UPRT: variants seen among roughly 807,000 people sequenced by gnomAD.
UPRT encodes RP11-311P8.3.
UPRT carries 5 observed loss-of-function variants against 22.6 expected under a neutral mutation model. The ratio of observed to expected loss-of-function variants is 0.22; its 90% CI spans 0.12 to 0.47. The LOEUF is 0.47. Ranked by LOEUF, UPRT falls within the 20% of genes least tolerant of loss-of-function variation. The pLI is 0.99. For missense variants in UPRT, 181 were observed against 239.9 expected (o/e 0.75, Z 1.62); for synonymous variants, 77 against 87.7 (o/e 0.88, Z 0.68).
chrX:75,272,317 TATAC>T (rs1192953698), upstream of UPRT, among the ~76,000 whole-genome samples: 16 of 30,495 alleles, frequency 5.2e-4, no homozygotes, highest in African/African-American at 1.2e-3. Context: ...TATGTGTATA[TATAC>T]ATATATATGT....
At chrX:75,272,321 CATATATAT>C (rs1569279454), upstream of UPRT, among the ~76,000 whole-genome samples, 9 of 19,050 alleles carry the variant, frequency 4.7e-4, no homozygotes, top group East Asian at 2.6e-3. Flanking sequence ...TGTATATATA[CATATATAT>C]GTATATATAT....
rs1404140664 is a variant in UPRT, at chrX:75,288,917, A to G, written c.387-4555A>G. 2.7e-5 allele frequency among the ~76,000 whole-genome samples: 3 copies of G among 112,093 alleles called. No homozygotes were observed. The East Asian group carries it at 8.4e-4, about 32-fold the overall frequency. On this transcript the variant is annotated intron_variant, in intron 1 of 6. Coordinates refer to ENST00000373383, the MANE Select transcript of UPRT (RefSeq NM_145052.4). ...CAAACTATCTCTCTTCATGGAAAATATGATTCTATACATAGAAAACCCTGT... is the reference window on the plus strand; with the variant it reads ...CAAACTATCTCTCTTCATGGAAAATGTGATTCTATACATAGAAAACCCTGT...
chrX:75,221,771 T>C (rs766466278), intron 4 of UPRT, among the ~76,000 whole-genome samples: 186 of 112,121 alleles, frequency 1.7e-3, no homozygotes, highest in African/African-American at 5.7e-3. Flanking sequence ...TTTTGAACTC[T>C]CTTTCTGAAA....
intron 4 of UPRT, among the ~76,000 whole-genome samples, chrX:75,260,437 A>C (rs2082564136): frequency 8.9e-6 from 1 of 112,452 alleles, no homozygotes; most frequent in African/African-American, 3.2e-5. Flanking sequence ...GCAAAAAAAA[A>C]GCAGAGGTTG....
chrX:75,188,617 C>T lies in UPRT; in HGVS notation c.-447+20738C>T, dbSNP rs771624987. 1.7e-4 allele frequency among the ~76,000 whole-genome samples: 19 copies of T among 112,534 alleles called. No homozygotes were observed. The East Asian group carries it at 2.3e-3, about 13-fold the overall frequency. On this transcript the variant is annotated intron_variant, in intron 4 of 13. Transcript: ENST00000652605. ...CTGGGCAATGGCGGGCGCCCCTCCC[C>T]GAGCCTCGCTGCCACCTTGAAGTTT...
chrX:75,158,844 A>G (rs759330104), intron 1 of UPRT, among the ~76,000 whole-genome samples: 1 of 111,375 alleles, frequency 9.0e-6, no homozygotes, highest in East Asian at 2.8e-4. Context: ...ACCTTATCTG[A>G]AGAGGCCACC....
intron 2 of UPRT, chrX:75,294,574 G>T: frequency 1.0e-6 from 1 of 984,081 alleles, no homozygotes; most frequent in Non-Finnish European, 1.3e-6. Flanking sequence ...TTTTGCCTGA[G>T]GATTTATTCC....
intron 4 of UPRT, among the ~76,000 whole-genome samples, chrX:75,246,676 C>T (rs1333104473): frequency 9.0e-6 from 1 of 111,512 alleles, no homozygotes; most frequent in East Asian, 2.8e-4. Context: ...TGAAGAATCG[C>T]CACACTGTCT....
At chrX:75,243,063 T>C (rs896300757) in intron 4 of UPRT, among the ~76,000 whole-genome samples, 1 of 111,502 alleles carries the variant, frequency 9.0e-6, no homozygotes, top group Non-Finnish European at 1.9e-5. Flanking sequence ...TTTTTCTTTA[T>C]TTGGTTTTGT....
At chrX:75,191,338 G>A (rs2082314242) in intron 4 of UPRT, among the ~76,000 whole-genome samples, 1 of 112,134 alleles carries the variant, frequency 8.9e-6, no homozygotes, top group Non-Finnish European at 1.9e-5. Context: ...TCCTCTGGAA[G>A]CTTTGTCTCA....
intron 4 of UPRT, among the ~76,000 whole-genome samples, chrX:75,215,287 A>G (rs1251979485): frequency 1.1e-5 from 1 of 93,424 alleles, no homozygotes; most frequent in East Asian, 3.5e-4. Flanking sequence ...AAAATCAATA[A>G]TCTTAAGCTT....
chrX:75,261,113 G>C (rs1474484159), intron 4 of UPRT, among the ~76,000 whole-genome samples: 1 of 111,771 alleles, frequency 8.9e-6, no homozygotes, highest in Non-Finnish European at 1.9e-5. Context: ...AGTGTGTAGA[G>C]GGAAATTTAT....
chrX:75,267,585 A>G (rs1397992070), intron 4 of UPRT, among the ~76,000 whole-genome samples: 1 of 111,635 alleles, frequency 9.0e-6, no homozygotes, highest in Non-Finnish European at 1.9e-5. Context: ...AAAAAAGAAA[A>G]ATAACTCCAG....
At chrX:75,188,780 G>C (rs898399957) in intron 4 of UPRT, among the ~76,000 whole-genome samples, 1 of 111,963 alleles carries the variant, frequency 8.9e-6, no homozygotes, top group Non-Finnish European at 1.9e-5. Context: ...GGAGTGACCC[G>C]ATCTTCCAGG....
chrX:75,296,547 A>G (rs1226876440), intron 3 of UPRT, 136 bp downstream of exon 3: 1 of 532,323 alleles, frequency 1.9e-6, no homozygotes. Context: ...TTAAAATCTT[A>G]AAAATAAAAC....
intron 4 of UPRT, among the ~76,000 whole-genome samples, chrX:75,170,182 G>C (rs1458370734): frequency 9.1e-6 from 1 of 109,786 alleles, no homozygotes; most frequent in Non-Finnish European, 1.9e-5. Context: ...GACTATAGGT[G>C]CACGCCACCA....
At chrX:75,230,874 TAGGA>T (rs916267551) in intron 4 of UPRT, among the ~76,000 whole-genome samples, 2 of 112,003 alleles carry the variant, frequency 1.8e-5, no homozygotes, top group African/African-American at 6.5e-5. Context: ...GTCTGACTCT[TAGGA>T]AGCCCTATCC....
chrX:75,261,264 T>A lies in UPRT; in HGVS notation c.-446-29760T>A, dbSNP rs773033616. Among the ~76,000 whole-genome samples the A allele has an allele frequency of 1.1e-4, 12 of 110,260 alleles. No homozygotes were observed. The Admixed American group carries it at 1.2e-3, about 11-fold the overall frequency. On this transcript the variant is annotated intron_variant, in intron 4 of 13. Coordinates refer to the UPRT transcript ENST00000652605. ...GAAATAACTAAGATCAGAGCAGAAC[T>A]GAAAGAGATAGAGATGCAAAAAACC...
intron 4 of UPRT, among the ~76,000 whole-genome samples, chrX:75,192,899 T>C (rs918037841): frequency 1.2e-4 from 14 of 112,135 alleles, no homozygotes; most frequent in African/African-American, 3.9e-4. Context: ...CCATTGTGTT[T>C]TGCTTCATTA....
Sources: allele counts gnomAD v4.1 joint callset (sites outside exome capture counted in the v4.1 genomes callset), GRCh38; gene constraint gnomAD v4.1.1; transcripts MANE v1.5; gene names NCBI Gene and HGNC (gene_info 2026-07-23, HGNC 2026-07-21).